The following TMEM232 variants were observed in gnomAD, a reference collection of about 807,000 sequenced individuals.
TMEM232 encodes the protein transmembrane protein 232.
A neutral mutation model predicts 78.8 loss-of-function variants in TMEM232; 80 were observed. The observed-to-expected ratio is 1.01, with a 90% CI of 0.85 to 1.22. The LOEUF (loss-of-function observed/expected upper bound fraction) is 1.22, where lower values mean the gene tolerates loss of function less well. TMEM232 is among the 50% of genes most tolerant of loss of function. The pLI is 0.00. For missense variants in TMEM232, 881 were observed against 742.2 expected (o/e 1.19, Z -2.17); for synonymous variants, 297 against 254.3 (o/e 1.17, Z -1.60).
intron 12 of TMEM232, among the ~76,000 whole-genome samples, chr5:110,478,427 G>A (rs1262287437): frequency 6.6e-6 from 1 of 151,800 alleles, no homozygotes; most frequent in African/African-American, 2.4e-5. Context: ...GGAGAATTGC[G>A]ATAATTGTCT....
chr5:110,676,551 G>A (rs1220110291), intron 1 of TMEM232, among the ~76,000 whole-genome samples: 1 of 151,816 alleles, frequency 6.6e-6, no homozygotes, highest in Non-Finnish European at 1.5e-5. Flanking sequence ...GACTACAGGT[G>A]TGAGCCACCA....
chr5:110,728,992 C>T (rs1428534704), upstream of TMEM232, among the ~76,000 whole-genome samples: 1 of 151,900 alleles, frequency 6.6e-6, no homozygotes, highest in Non-Finnish European at 1.5e-5. Context: ...TCAAGCGATT[C>T]TCCTGCCTCA....
At chr5:110,621,024 C>G (rs7727226) in intron 7 of TMEM232, among the ~76,000 whole-genome samples, 1 of 150,716 alleles carries the variant, frequency 6.6e-6, no homozygotes, top group African/African-American at 2.4e-5. Context: ...CACCACACCT[C>G]GGTAATTTTT....
chr5:110,723,096 C>T (rs1021843896), intron 1 of TMEM232, among the ~76,000 whole-genome samples: 2 of 152,066 alleles, frequency 1.3e-5, no homozygotes, highest in Admixed American at 6.6e-5. Flanking sequence ...ATAATTTCTT[C>T]CTTAAATGTT....
intron 10 of TMEM232, among the ~76,000 whole-genome samples, chr5:110,583,440 T>C (rs1173575503): frequency 2.0e-5 from 3 of 151,892 alleles, no homozygotes; most frequent in East Asian, 3.9e-4. Flanking sequence ...TGGATATCCA[T>C]ATATAAATAA....
chr5:110,686,653 T>C (rs2150204887), intron 1 of TMEM232, among the ~76,000 whole-genome samples: 1 of 152,268 alleles, frequency 6.6e-6, no homozygotes, highest in East Asian at 1.9e-4. Context: ...TTTCACTATA[T>C]GCAAATTTTA....
At chr5:110,645,781 C>T (rs1455598656) in intron 2 of TMEM232, among the ~76,000 whole-genome samples, 2 of 151,532 alleles carry the variant, frequency 1.3e-5, no homozygotes, top group Non-Finnish European at 3.0e-5. Context: ...AGAAAATTAT[C>T]ACTTCTTGCA....
chr5:110,604,690 G>A (rs1028299439), intron 10 of TMEM232, among the ~76,000 whole-genome samples: 3 of 152,114 alleles, frequency 2.0e-5, no homozygotes, highest in Non-Finnish European at 4.4e-5. Context: ...TGGGCGCAGT[G>A]GTTCACGAAT....
chr5:110,419,027 G>A (rs1457870979), downstream of TMEM232, among the ~76,000 whole-genome samples: 1 of 152,106 alleles, frequency 6.6e-6, no homozygotes, highest in Non-Finnish European at 1.5e-5. Flanking sequence ...TTGGATGGAA[G>A]GATGGGAGAA....
intron 12 of TMEM232, among the ~76,000 whole-genome samples, chr5:110,436,538 A>C (rs1758455175): frequency 6.6e-6 from 1 of 152,006 alleles, no homozygotes; most frequent in Non-Finnish European, 1.5e-5. Context: ...CCCTAGACCA[A>C]TGTACTGGAG....
At position 110,606,294 on chromosome 5, in the gene TMEM232, A is replaced by G. The variant is rs1425398439; in HGVS notation, c.903-7T>C. The stretch of plus-strand genomic sequence containing the variant: ...AGCCAGTACTGAATCCAACCTGAAA[A>G]TTTTATGGACGAAAGGATAAAGATT... On this transcript the variant is annotated splice_region_variant and splice_polypyrimidine_tract_variant and intron_variant, in intron 8 of 13. Coordinates refer to ENST00000455884, the MANE Select transcript of TMEM232 (RefSeq NM_001039763.4). 1.3e-6 allele frequency: 2 copies of G among 1,514,898 alleles called. No individual in the cohort carries two copies. Among genetic ancestry groups the G allele is most frequent in the East Asian group, 2.5e-5 (1 of 40,684 alleles). 93.8% of individuals were successfully genotyped at this position (1,514,898 alleles called of 1,614,324 possible).
At chr5:110,454,852 A>AATG (rs1397326969) in intron 12 of TMEM232, among the ~76,000 whole-genome samples, 1 of 151,988 alleles carries the variant, frequency 6.6e-6, no homozygotes, top group Non-Finnish European at 1.5e-5. Context: ...TGCATTAATC[A>AATG]ATGAAAGTGA....
At chr5:110,497,657 T>G (rs932751466) in intron 12 of TMEM232, among the ~76,000 whole-genome samples, 1 of 152,172 alleles carries the variant, frequency 6.6e-6, no homozygotes, top group African/African-American at 2.4e-5. Flanking sequence ...GGTTGACCCT[T>G]GATATACTCC....
At chr5:110,473,455 A>C (rs547555726) in intron 12 of TMEM232, among the ~76,000 whole-genome samples, 1 of 152,006 alleles carries the variant, frequency 6.6e-6, no homozygotes, top group South Asian at 2.1e-4. Flanking sequence ...TGTGAAGAAA[A>C]GGGAACCCTT....
At chr5:110,543,374 C>T (rs1332912144) in intron 11 of TMEM232, among the ~76,000 whole-genome samples, 1 of 152,152 alleles carries the variant, frequency 6.6e-6, no homozygotes, top group Admixed American at 6.6e-5. Context: ...AATGTAGTCT[C>T]AAATTTCAGT....
rs78143081 is a variant in TMEM232 at position 110,498,098 on chromosome 5, G to C, written c.1703+30490C>G. Among the ~76,000 whole-genome samples, 905 of 152,142 alleles carry C rather than the reference G, an allele frequency of 5.9e-3. 10 individuals carry two copies. Among genetic ancestry groups the C allele is most frequent in the East Asian group, 0.042 (219 of 5,172 alleles). ...CCTAAGTTAAAGACTCTTCAAATAA[G>C]CATGGGAAATCATGTAATGTATATG... On this transcript the variant is annotated intron_variant, in intron 12 of 13. Transcript: ENST00000455884.
chr5:110,486,954 G>A (rs1024185220), intron 12 of TMEM232, among the ~76,000 whole-genome samples: 5 of 151,952 alleles, frequency 3.3e-5, no homozygotes, highest in African/African-American at 1.2e-4. Flanking sequence ...AGCACGGGAT[G>A]TGTTTCCATT....
At chr5:110,413,712 T>C (rs1756082240) in intron 2 of TMEM232, among the ~76,000 whole-genome samples, 1 of 152,234 alleles carries the variant, frequency 6.6e-6, no homozygotes. Context: ...TGTAGTACTA[T>C]GTAACTCCTC....
chr5:110,567,091 C>G (rs1200414408), intron 11 of TMEM232, among the ~76,000 whole-genome samples: 1 of 151,614 alleles, frequency 6.6e-6, no homozygotes, highest in Non-Finnish European at 1.5e-5. Flanking sequence ...GGGAAAAAAC[C>G]CACTCCCATG....
Sources: allele counts gnomAD v4.1 joint callset (sites outside exome capture counted in the v4.1 genomes callset), GRCh38; gene constraint gnomAD v4.1.1; transcripts MANE v1.5; gene names NCBI Gene and HGNC (gene_info 2026-07-23, HGNC 2026-07-21).